NAV2: variants seen among roughly 807,000 people sequenced by gnomAD.
The protein encoded by NAV2 is neuron navigator 2, also known as helicase, APC down-regulated 1.
In NAV2, 54 loss-of-function variants were observed where a neutral mutation model predicts 223.2. That is an observed-to-expected ratio of 0.24 (90% CI 0.19 to 0.30). NAV2 has a LOEUF of 0.30. Among genes scored for constraint, NAV2 ranks in the 10% least tolerant of loss-of-function variants. NAV2 has a pLI of 1.00. For synonymous variants in NAV2, 1,279 were observed against 1,239.3 expected, an observed-to-expected ratio of 1.03 and a Z score of -0.67; for missense variants, 2,806 against 3,147.5, an observed-to-expected ratio of 0.89 and a Z score of 2.60.
At chr11:19,349,369 G>A (rs1853168940), upstream of NAV2, among the ~76,000 whole-genome samples, 1 of 152,160 alleles carries the variant, frequency 6.6e-6, no homozygotes, top group Admixed American at 6.5e-5. Context: ...CTGTGGCCGA[G>A]TCTCATGTCC....
chr11:19,478,696 G>C (rs2042193420), intron 1 of NAV2, among the ~76,000 whole-genome samples: 1 of 152,154 alleles, frequency 6.6e-6, no homozygotes. Flanking sequence ...TGCCTGCTAT[G>C]CTAACCCCTA....
intron 1 of NAV2, among the ~76,000 whole-genome samples, chr11:19,534,488 C>G (rs1007711755): frequency 6.6e-6 from 1 of 151,964 alleles, no homozygotes; most frequent in African/African-American, 2.4e-5. Flanking sequence ...GGAAGGAGAG[C>G]AATAAAAGAG....
intron 1 of NAV2, among the ~76,000 whole-genome samples, chr11:19,821,078 C>T (rs538409550): frequency 9.2e-4 from 140 of 152,138 alleles, no homozygotes; most frequent in African/African-American, 2.8e-3. Context: ...CTGGCTAACA[C>T]GGTGAAACCC....
At chr11:19,485,287 A>C (rs557409234) in intron 1 of NAV2, among the ~76,000 whole-genome samples, 1 of 152,244 alleles carries the variant, frequency 6.6e-6, no homozygotes, top group African/African-American at 2.4e-5. Flanking sequence ...GTGTTATCCA[A>C]GGCTCTGTCT....
chr11:19,707,358 T>C (rs1201923240), intron 1 of NAV2, among the ~76,000 whole-genome samples: 1 of 152,224 alleles, frequency 6.6e-6, no homozygotes, highest in Non-Finnish European at 1.5e-5. Context: ...TATACAAAAA[T>C]ATTTTCTTTA....
At chr11:20,060,873 A>C (rs1688677648) in intron 19 of NAV2, among the ~76,000 whole-genome samples, 1 of 152,250 alleles carries the variant, frequency 6.6e-6, no homozygotes, top group African/African-American at 2.4e-5. Context: ...AGGAGAGGTC[A>C]GGGAAGGTTT....
At chr11:20,113,318 T>C (rs1401610421) in intron 36 of NAV2, among the ~76,000 whole-genome samples, 4 of 152,170 alleles carry the variant, frequency 2.6e-5, no homozygotes, top group Admixed American at 2.6e-4. Flanking sequence ...GTGGTGGTGT[T>C]AAAGGAGAAA....
Position 20,045,250 on chromosome 11 carries a change from G to T in NAV2, c.3482G>T (p.Arg1161Leu). Residue 1161 changes from arginine (R) to leucine (L), a missense_variant, in exon 14 of 38, where the codon CGG becomes CTG. Arg to Leu is a moderately radical substitution (Grantham distance 102). This residue lies in a region of NAV2 where 742 missense variants were observed against 777.9 expected (regional missense o/e 0.95). Transcript: ENST00000349880. ...CCAAAGTCATCTGCACTCGTCAGTC[G>T]GTCTGCTGGTCGGAAGTCAAGTATG... ...KIPKSSALVSRSAGRKSSMDG... is the reference protein window; with the variant it reads ...KIPKSSALVSLSAGRKSSMDG... 2 of 1,614,164 alleles carry T rather than the reference G, an allele frequency of 1.2e-6. No homozygotes were observed. The highest frequency in any genetic ancestry group is 1.3e-5 in the African/African-American group (1 of 75,042).
intron 1 of NAV2, among the ~76,000 whole-genome samples, chr11:19,725,131 T>G (rs1010479654): frequency 6.6e-6 from 1 of 152,244 alleles, no homozygotes; most frequent in African/African-American, 2.4e-5. Context: ...ATTTTCCCAT[T>G]TAATTGCCAT....
At chr11:19,641,747 C>T (rs1457288643) in intron 1 of NAV2, among the ~76,000 whole-genome samples, 3 of 152,050 alleles carry the variant, frequency 2.0e-5, no homozygotes, top group Admixed American at 2.0e-4. Flanking sequence ...CTCAAATGCC[C>T]CTGGCCCCGC....
chr11:19,967,067 A>G (rs558581911), intron 10 of NAV2, among the ~76,000 whole-genome samples: 87 of 152,304 alleles, frequency 5.7e-4, no homozygotes, highest in African/African-American at 1.9e-3. Context: ...AAATCCTGGA[A>G]GGCCTATAAC....
intron 3 of NAV2, among the ~76,000 whole-genome samples, chr11:19,847,431 G>A (rs1222753130): frequency 6.6e-6 from 1 of 152,192 alleles, no homozygotes; most frequent in Admixed American, 6.5e-5. Context: ...TCCCAGCGCT[G>A]AGCCCCTGCT....
chr11:19,916,023 G>T (rs1447869706), intron 6 of NAV2, among the ~76,000 whole-genome samples: 1 of 152,018 alleles, frequency 6.6e-6, no homozygotes, highest in African/African-American at 2.4e-5. Flanking sequence ...GTAAAATGGG[G>T]GTATAGCAGT....
In NAV2 at chr11:19,522,196, C is replaced by A. The variant is rs560504135; in HGVS notation, c.75+171169C>A. On this transcript the variant is annotated intron_variant, in intron 1 of 37. Coordinates refer to the NAV2 transcript ENST00000360655. ...GTGCCGCTTGGAAGCCACCACACAG[C>A]CTCCCTCTTCTGCAGAACAGCAAGA... is the stretch of plus-strand genomic sequence containing the variant. Among the ~76,000 whole-genome samples, 23 of 152,320 alleles carry A rather than the reference C, an allele frequency of 1.5e-4. No individual in the cohort carries two copies. In the South Asian group the frequency reaches 4.6e-3, roughly 30 times the overall value.
chr11:19,730,545 G>A (rs1434104875), intron 1 of NAV2, among the ~76,000 whole-genome samples: 1 of 152,228 alleles, frequency 6.6e-6, no homozygotes, highest in African/African-American at 2.4e-5. Flanking sequence ...GAGGCCAGAC[G>A]CTGACTTCCA....
At chr11:19,979,306 C>A (rs2050091723) in intron 10 of NAV2, 1 of 152,248 alleles carries the variant, frequency 6.6e-6, no homozygotes, top group African/African-American at 2.4e-5. Flanking sequence ...GCCTGTTACT[C>A]ATTAGTACCT....
chr11:19,543,532 T>G (rs1203424241), intron 1 of NAV2, among the ~76,000 whole-genome samples: 2 of 152,188 alleles, frequency 1.3e-5, no homozygotes, highest in African/African-American at 4.8e-5. Flanking sequence ...CTTCCTCTTT[T>G]GGGAAAGGTT....
intron 6 of NAV2, among the ~76,000 whole-genome samples, chr11:19,927,517 G>A (rs954008175): frequency 6.6e-6 from 1 of 152,194 alleles, no homozygotes; most frequent in African/African-American, 2.4e-5. Flanking sequence ...GGGAGGTGGA[G>A]GTTGCAGTGA....
chr11:19,937,349 G>T (rs1026333271), intron 7 of NAV2, among the ~76,000 whole-genome samples: 2 of 94,928 alleles, frequency 2.1e-5, no homozygotes, highest in African/African-American at 7.2e-5. Flanking sequence ...ACTTATAATT[G>T]CTCCCCCCCC....
Sources: allele counts gnomAD v4.1 joint callset (sites outside exome capture counted in the v4.1 genomes callset), GRCh38; gene constraint gnomAD v4.1.1; regional missense constraint gnomAD v4.1.1; transcripts MANE v1.5; gene names NCBI Gene and HGNC (gene_info 2026-07-23, HGNC 2026-07-21).